Variants in SLIT3 observed in about 807,000 individuals in gnomAD.
SLIT3 encodes the protein slit homolog 3 protein.
SLIT3 carries 68 observed loss-of-function variants against 184.0 expected under a neutral mutation model. That is an observed-to-expected ratio of 0.37 (90% confidence interval 0.30 to 0.45). The LOEUF is 0.45. Ranked by LOEUF, SLIT3 falls within the 20% of genes least tolerant of loss-of-function variation. SLIT3 has a pLI of 1.00. For missense variants in SLIT3, 1,707 were observed against 2,026.0 expected (o/e 0.84, Z 3.02); for synonymous variants, 831 against 828.6 (o/e 1.00, Z -0.05).
intron 5 of SLIT3, among the ~76,000 whole-genome samples, chr5:168,845,663 G>T (rs1758435628): frequency 6.6e-6 from 1 of 151,828 alleles, no homozygotes; most frequent in Non-Finnish European, 1.5e-5. Context: ...TAATGTGTAA[G>T]TCAGGATATC....
At chr5:168,671,577 C>T (rs2113173698) in intron 33 of SLIT3, 94 bp from the exon 34 acceptor site, 3 of 1,375,314 alleles carry the variant, frequency 2.2e-6, no homozygotes, top group African/African-American at 1.4e-5. Context: ...CATTCATGGC[C>T]AGAACTCTGG....
chr5:168,885,904 A>C (rs183932209), intron 4 of SLIT3, among the ~76,000 whole-genome samples: 143 of 152,348 alleles, frequency 9.4e-4, no homozygotes, highest in African/African-American at 3.2e-3. Flanking sequence ...GCGATATTTA[A>C]GCAGAAAAAT....
chr5:169,231,455 G>A (rs989236480), intron 3 of SLIT3, among the ~76,000 whole-genome samples: 2 of 152,102 alleles, frequency 1.3e-5, no homozygotes, highest in Admixed American at 1.3e-4. Flanking sequence ...ATGGAATCAG[G>A]TAATATATAT....
At chr5:168,932,159 C>T (rs1453843354) in intron 4 of SLIT3, among the ~76,000 whole-genome samples, 1 of 151,938 alleles carries the variant, frequency 6.6e-6, no homozygotes, top group Non-Finnish European at 1.5e-5. Context: ...CAGGTGCTCC[C>T]TGGTAAGCAG....
intron 4 of SLIT3, among the ~76,000 whole-genome samples, chr5:169,125,969 G>T (rs978450851): frequency 2.6e-5 from 4 of 152,160 alleles, no homozygotes; most frequent in African/African-American, 9.7e-5. Flanking sequence ...GGGCCCTAGA[G>T]ATCACACTCC....
chr5:168,980,368 C>T (rs1425415095), intron 4 of SLIT3, among the ~76,000 whole-genome samples: 1 of 152,140 alleles, frequency 6.6e-6, no homozygotes, highest in African/African-American at 2.4e-5. Flanking sequence ...CTGCTTCCCA[C>T]AGAAGGCTCA....
chr5:169,033,474 G>T (rs905023180), intron 4 of SLIT3, among the ~76,000 whole-genome samples: 6 of 152,094 alleles, frequency 3.9e-5, no homozygotes, highest in African/African-American at 1.2e-4. Flanking sequence ...GAGATTGTTA[G>T]GTCATCTGGT....
In SLIT3 at chr5:168,766,317, G is replaced by A. The variant is rs370711294; in HGVS notation, c.1460-3628C>T. On this transcript the variant is annotated intron_variant, in intron 14 of 35. Coordinates refer to ENST00000519560, the MANE Select transcript of SLIT3 (RefSeq NM_003062.4). ...AAAGAAGCAGAAAGAGGAATTGGGG[G>A]GAGCGTAAGTCCTGTCAGGCCTCAT... Among the ~76,000 whole-genome samples the A allele has an allele frequency of 3.3e-5, 5 of 152,336 alleles. No individual in the cohort carries two copies. The South Asian group carries it at 1.0e-3, about 32-fold the overall frequency.
chr5:169,228,359 A>G (rs1298068408), intron 3 of SLIT3, among the ~76,000 whole-genome samples: 1 of 152,118 alleles, frequency 6.6e-6, no homozygotes, highest in African/African-American at 2.4e-5. Context: ...AAGTCACCAA[A>G]GCAGGAGAAC....
intron 1 of SLIT3, among the ~76,000 whole-genome samples, chr5:169,294,305 A>AC (rs1405042072): frequency 5.9e-5 from 9 of 151,336 alleles, no homozygotes; most frequent in Non-Finnish European, 8.8e-5. Context: ...ATGAAAACCC[A>AC]CCCCCCAAAA....
At position 169,246,354 on chromosome 5, in the gene SLIT3, C is replaced by T. The variant is rs184106012; in HGVS notation, c.270-1578G>A. On this transcript the variant is annotated intron_variant, in intron 2 of 35. Transcript: ENST00000519560. ...GAAGGGAGAGGCTAAAAGACTTGCTCGAGGAGAAATTATTTATGCCAATTC... is the reference window on the plus strand; with the variant it reads ...GAAGGGAGAGGCTAAAAGACTTGCTTGAGGAGAAATTATTTATGCCAATTC... Among the ~76,000 whole-genome samples, 529 of 152,226 alleles carry T rather than the reference C, an allele frequency of 3.5e-3. 4 individuals are homozygous for T. Among genetic ancestry groups the T allele is most frequent in the African/African-American group, 0.012 (502 of 41,530 alleles).
chr5:169,193,966 G>T (rs1763655370), intron 3 of SLIT3, among the ~76,000 whole-genome samples: 1 of 152,098 alleles, frequency 6.6e-6, no homozygotes, highest in African/African-American at 2.4e-5. Context: ...AGGCACGGTG[G>T]CTTACGCCTG....
chr5:169,270,705 A>T (rs1366515081), intron 1 of SLIT3, among the ~76,000 whole-genome samples: 2 of 152,196 alleles, frequency 1.3e-5, no homozygotes, highest in African/African-American at 4.8e-5. Flanking sequence ...TCAAAAAAAT[A>T]AGAATAACAA....
rs531161999 is a variant in SLIT3, at chr5:169,089,467, G to A, written c.413+104012C>T. On this transcript the variant is annotated intron_variant, in intron 4 of 35. Transcript: ENST00000519560. ...TTCTCCTGTGGACAAGCTAAGGCCT[G>A]TCTTAGGTAGCTATTAGCCTAGAAT... Among the ~76,000 whole-genome samples, 4 of 152,334 alleles carry A rather than the reference G, an allele frequency of 2.6e-5. No homozygotes were observed. In the South Asian group the frequency reaches 8.3e-4, roughly 32 times the overall value.
In SLIT3 at chr5:169,035,950, C is replaced by T. The variant is rs569334401; in HGVS notation, c.414-152614G>A. 2.0e-5 allele frequency among the ~76,000 whole-genome samples: 3 copies of T among 152,248 alleles called. No homozygotes were observed. In the East Asian group the frequency reaches 5.8e-4, roughly 29 times the overall value. On this transcript the variant is annotated intron_variant, in intron 4 of 35. Transcript: ENST00000519560. ...TGAGCCTTTTTATTAGACTTCTTTC[C>T]CCATCCCTAATTTTACAGACGAGCA...
chr5:168,692,027 T>C (rs1761922141), intron 29 of SLIT3, among the ~76,000 whole-genome samples: 1 of 152,208 alleles, frequency 6.6e-6, no homozygotes, highest in African/African-American at 2.4e-5. Context: ...CCCTTAGGGC[T>C]GCTCACGTGC....
At chr5:168,943,203 A>G (rs369329336) in intron 4 of SLIT3, among the ~76,000 whole-genome samples, 226 of 152,316 alleles carry the variant, frequency 1.5e-3, no homozygotes, top group African/African-American at 5.3e-3. Flanking sequence ...AAGTAGGACA[A>G]ACTGTAGTGA....
Position 168,732,799 on chromosome 5 carries a change from C to T in SLIT3, c.2271-8315G>A, listed in dbSNP as rs182388473. Among the ~76,000 whole-genome samples, 705 of 152,132 alleles carry T rather than the reference C, an allele frequency of 4.6e-3. 4 individuals carry two copies. Among genetic ancestry groups the T allele is most frequent in the Middle Eastern group, 0.014 (4 of 294 alleles). ...AATGAAACTGGACTCATACTTTTCA[C>T]CATATACAAAAATTAACTCACAATG... is the stretch of plus-strand genomic sequence containing the variant. On this transcript the variant is annotated intron_variant, in intron 20 of 35. Coordinates refer to ENST00000519560, the MANE Select transcript of SLIT3 (RefSeq NM_003062.4).
intron 5 of SLIT3, among the ~76,000 whole-genome samples, chr5:168,846,862 G>T (rs556144130): frequency 5.3e-5 from 8 of 152,038 alleles, no homozygotes; most frequent in Non-Finnish European, 1.0e-4. Flanking sequence ...AATTTTATGT[G>T]GAAAGAATGG....
Sources: gnomAD v4.1 joint callset for allele counts (sites outside exome capture counted in the v4.1 genomes callset) on GRCh38, gnomAD v4.1.1 for gene constraint, MANE v1.5 for transcripts, NCBI Gene and HGNC (gene_info 2026-07-23, HGNC 2026-07-21) for gene names.